The following DPP10 variants were observed in gnomAD, a reference collection of about 807,000 sequenced individuals.
The protein encoded by DPP10 is inactive dipeptidyl peptidase 10.
DPP10 carries 33 observed loss-of-function variants against 120.9 expected under a neutral mutation model. The ratio of observed to expected loss-of-function variants is 0.27; its 90% CI spans 0.21 to 0.37. The LOEUF is 0.37. Among genes scored for constraint, DPP10 ranks in the 10% least tolerant of loss-of-function variants. The pLI, the probability that DPP10 is intolerant of heterozygous loss-of-function variation, is 1.00. For synonymous variants in DPP10, 337 were observed against 326.1 expected (o/e 1.03, Z -0.36); for missense variants, 816 against 942.8 (o/e 0.87, Z 1.76).
intron 3 of DPP10, among the ~76,000 whole-genome samples, chr2:115,415,857 A>ATATATATATG (rs2069364034): frequency 7.4e-6 from 1 of 135,198 alleles, no homozygotes; most frequent in Non-Finnish European, 1.6e-5. Context: ...ATATATATAT[A>ATATATATATG]TATATATATA....
chr2:115,638,945 ACAAGAAGC>A (rs1286034998), intron 5 of DPP10, among the ~76,000 whole-genome samples: 2 of 152,188 alleles, frequency 1.3e-5, no homozygotes, highest in Non-Finnish European at 2.9e-5. Context: ...ACTCAGGTAG[ACAAGAAGC>A]CAAGCATGCT....
chr2:114,601,097 C>T (rs868646120), intron 1 of DPP10, among the ~76,000 whole-genome samples: 5 of 151,816 alleles, frequency 3.3e-5, no homozygotes, highest in South Asian at 2.1e-4. Flanking sequence ...ACTATTGAAT[C>T]GCCACAAAGA....
intron 1 of DPP10, among the ~76,000 whole-genome samples, chr2:114,504,941 A>T (rs1683504768): frequency 6.6e-6 from 1 of 150,834 alleles, no homozygotes; most frequent in South Asian, 2.1e-4. Context: ...AGTCCCAGCT[A>T]CTCGGGAGGC....
chr2:114,693,372 A>C (rs1357214806), intron 1 of DPP10, among the ~76,000 whole-genome samples: 1 of 151,822 alleles, frequency 6.6e-6, no homozygotes, highest in Non-Finnish European at 1.5e-5. Flanking sequence ...TCTAGGCTGG[A>C]AATTATTTTC....
At chr2:114,773,605 T>C (rs1379136934) in intron 1 of DPP10, among the ~76,000 whole-genome samples, 1 of 152,210 alleles carries the variant, frequency 6.6e-6, no homozygotes, top group Admixed American at 6.5e-5. Context: ...CTTAAATTAA[T>C]GTCCTTTACA....
chr2:115,749,900 A>C, intron 10 of DPP10: 1 of 743,946 alleles, frequency 1.3e-6, no homozygotes, highest in South Asian at 6.1e-5. Context: ...CCTTGTGTAC[A>C]ATTAGATCTT....
intron 1 of DPP10, among the ~76,000 whole-genome samples, chr2:114,597,435 A>G (rs1331175047): frequency 6.6e-6 from 1 of 152,038 alleles, no homozygotes; most frequent in African/African-American, 2.4e-5. Flanking sequence ...AGGACATCAA[A>G]TTGTTTATCA....
At position 114,907,433 on chromosome 2, in the gene DPP10, A is replaced by ATT. The variant is rs1180337631; in HGVS notation, c.61-401806_61-401805insTT. Among the ~76,000 whole-genome samples the ATT allele has an allele frequency of 1.4e-4, 22 of 152,208 alleles. No homozygotes were observed. The South Asian group carries it at 4.6e-3, about 32-fold the overall frequency. On this transcript the variant is annotated intron_variant, in intron 1 of 25. Coordinates refer to ENST00000410059, the MANE Select transcript of DPP10 (RefSeq NM_020868.6). The stretch of plus-strand genomic sequence containing the variant: ...TTTCTCTTTTTTAAATATAGAATTT[A>ATT]CAGCTATATATTTATCTTAAAGCGC...
rs574011180 is a variant in DPP10, at chr2:114,639,997, T to C, written c.60+197159T>C. On this transcript the variant is annotated intron_variant, in intron 1 of 25. Coordinates refer to ENST00000410059, the MANE Select transcript of DPP10 (RefSeq NM_020868.6). ...TTCTTCACTGTTTCTAAAGCAATTA[T>C]GGTAGAAACAAGACTAAATGATAGA... Among the ~76,000 whole-genome samples, 23 of 152,052 alleles carry C rather than the reference T, an allele frequency of 1.5e-4. No homozygotes were observed. The South Asian group carries it at 3.9e-3, about 26-fold the overall frequency.
intron 1 of DPP10, among the ~76,000 whole-genome samples, chr2:114,784,276 G>T (rs890103979): frequency 3.3e-5 from 5 of 152,056 alleles, no homozygotes; most frequent in African/African-American, 1.2e-4. Context: ...GTTCAAACAA[G>T]TTATGTAACT....
chr2:115,832,579 T>C lies in DPP10; in HGVS notation c.1951-3578T>C, dbSNP rs143624669. Among the ~76,000 whole-genome samples the C allele has an allele frequency of 4.1e-3, 628 of 152,334 alleles. 5 individuals carry two copies. Among genetic ancestry groups the C allele is most frequent in the African/African-American group, 0.014 (600 of 41,574 alleles). On this transcript the variant is annotated intron_variant, in intron 21 of 25. Coordinates refer to ENST00000410059, the MANE Select transcript of DPP10 (RefSeq NM_020868.6). ...ATTTGTGGTTCAATTTTAAATGCTA[T>C]AAATAGAATTTTATTCAACAGCTTT... is the stretch of plus-strand genomic sequence containing the variant.
Position 115,842,536 on chromosome 2 carries a change from G to A in DPP10, c.*191G>A. The A allele has an allele frequency of 3.6e-6, 2 of 555,880 alleles. No homozygotes were observed. Among genetic ancestry groups the A allele is most frequent in the African/African-American group, 3.8e-5 (2 of 52,272 alleles). 34.4% of individuals were successfully genotyped at this position (555,880 alleles called of 1,614,324 possible). A position where few individuals can be genotyped will look rare whatever the true frequency, so the allele number is the denominator to read the frequency against. On this transcript the variant is annotated 3_prime_UTR_variant, in exon 26 of 26. Coordinates refer to ENST00000410059, the MANE Select transcript of DPP10 (RefSeq NM_020868.6). ...AGTCTACTGTGTTGCTAGGGGTGCA[G>A]AACCCGTTTCTTTGTATGAGAGAGG...
intron 5 of DPP10, among the ~76,000 whole-genome samples, chr2:115,682,471 C>T (rs2090727421): frequency 6.6e-6 from 1 of 151,768 alleles, no homozygotes; most frequent in South Asian, 2.1e-4. Flanking sequence ...TAGAAAACGT[C>T]GCAGGAACTC....
chr2:114,839,512 C>A (rs1014049712), intron 1 of DPP10, among the ~76,000 whole-genome samples: 4 of 152,034 alleles, frequency 2.6e-5, no homozygotes, highest in African/African-American at 7.2e-5. Flanking sequence ...AAAAATAGAA[C>A]CATGAAGAAA....
intron 1 of DPP10, among the ~76,000 whole-genome samples, chr2:114,868,535 G>A (rs1690422548): frequency 1.3e-5 from 2 of 152,138 alleles, no homozygotes; most frequent in Non-Finnish European, 2.9e-5. Flanking sequence ...CAGGAGTCAT[G>A]AGGCCAACTC....
intron 3 of DPP10, among the ~76,000 whole-genome samples, chr2:115,374,767 G>T (rs766290353): frequency 6.6e-6 from 1 of 152,182 alleles, no homozygotes. Context: ...CTTGAGGCTT[G>T]CACCCTCTGA....
At chr2:114,859,685 G>C (rs1345624129) in intron 1 of DPP10, among the ~76,000 whole-genome samples, 1 of 152,116 alleles carries the variant, frequency 6.6e-6, no homozygotes, top group Non-Finnish European at 1.5e-5. Context: ...GGCTCTCTTT[G>C]GATCTCCTGC....
At chr2:114,881,915 A>G (rs1390000296) in intron 1 of DPP10, among the ~76,000 whole-genome samples, 1 of 152,128 alleles carries the variant, frequency 6.6e-6, no homozygotes, top group East Asian at 1.9e-4. Flanking sequence ...TAATATACAT[A>G]ATGATCATCA....
chr2:114,522,459 T>A (rs1019806520), intron 1 of DPP10, among the ~76,000 whole-genome samples: 1 of 152,136 alleles, frequency 6.6e-6, no homozygotes, highest in Non-Finnish European at 1.5e-5. Flanking sequence ...AGAGAACTCA[T>A]TGAATTGGTA....
Sources: allele counts gnomAD v4.1 joint callset (sites outside exome capture counted in the v4.1 genomes callset), GRCh38; gene constraint gnomAD v4.1.1; transcripts MANE v1.5; gene names NCBI Gene and HGNC (gene_info 2026-07-23, HGNC 2026-07-21).